Variants in ADAMTS18 observed in about 807,000 individuals in gnomAD.
ADAMTS18 encodes A disintegrin and metalloproteinase with thrombospondin motifs 18.
Under a neutral mutation model 165.9 loss-of-function variants are expected in ADAMTS18, and 157 were observed. That is an observed-to-expected ratio of 0.95 (90% confidence interval 0.83 to 1.08). The LOEUF (loss-of-function observed/expected upper bound fraction) is 1.08, where lower values mean the gene tolerates loss of function less well. Ranked by LOEUF, ADAMTS18 falls within the 50% of genes least tolerant of loss-of-function variation. The pLI is 0.00. For synonymous variants in ADAMTS18, 782 were observed against 578.2 expected (o/e 1.35, Z -5.06); for missense variants, 2,040 against 1,534.0 (o/e 1.33, Z -5.51).
At chr16:77,431,978 A>G (rs1236265509) in intron 2 of ADAMTS18, among the ~76,000 whole-genome samples, 1 of 152,138 alleles carries the variant, frequency 6.6e-6, no homozygotes, top group African/African-American at 2.4e-5. Context: ...ATAAAATTTA[A>G]TTTTTTTGAA....
At chr16:77,295,969 A>AT (rs2055462311) in intron 18 of ADAMTS18, among the ~76,000 whole-genome samples, 1 of 151,668 alleles carries the variant, frequency 6.6e-6, no homozygotes, top group South Asian at 2.1e-4. Context: ...TCAGCCTCAG[A>AT]TTATGACAAA....
At chr16:77,307,099 T>C (rs777546134) in intron 16 of ADAMTS18, among the ~76,000 whole-genome samples, 13 of 152,238 alleles carry the variant, frequency 8.5e-5, no homozygotes, top group African/African-American at 1.2e-4. Context: ...TTAAGAATAC[T>C]TGATCTCCTC....
chr16:77,310,546 G>A (rs1195375729), intron 16 of ADAMTS18, among the ~76,000 whole-genome samples: 3 of 152,120 alleles, frequency 2.0e-5, no homozygotes, highest in Non-Finnish European at 2.9e-5. Context: ...CCAAAAGAAT[G>A]GAATCCACGT....
At chr16:77,401,320 A>G (rs2057329101) in intron 3 of ADAMTS18, among the ~76,000 whole-genome samples, 1 of 152,220 alleles carries the variant, frequency 6.6e-6, no homozygotes, top group Admixed American at 6.5e-5. Flanking sequence ...AAATCAAGCC[A>G]CAATAATCCA....
chr16:77,389,485 CG>C (rs1317220816), intron 3 of ADAMTS18, among the ~76,000 whole-genome samples: 1 of 152,084 alleles, frequency 6.6e-6, no homozygotes, highest in Non-Finnish European at 1.5e-5. Flanking sequence ...GTTCAACAAA[CG>C]TTTGTATTTA....
chr16:77,308,419 T>C (rs1252141866), intron 16 of ADAMTS18, among the ~76,000 whole-genome samples: 2 of 152,044 alleles, frequency 1.3e-5, no homozygotes. Flanking sequence ...GTTGTGTGTG[T>C]GTATGTGGGT....
At chr16:77,355,797 A>G in intron 9 of ADAMTS18, 143 bp downstream of exon 9, 2 of 1,006,878 alleles carry the variant, frequency 2.0e-6, no homozygotes, top group Non-Finnish European at 3.1e-6. Context: ...CATCATCACC[A>G]TCATCATTAT....
rs753293005 is a variant in ADAMTS18 at position 77,291,337 on chromosome 16, T to A, written c.3331A>T (p.Asn1111Tyr). The A allele has an allele frequency of 1.9e-6, 3 of 1,614,112 alleles. No homozygotes were observed. In the Admixed American group the frequency reaches 5.0e-5, roughly 27 times the overall value. The change falls in exon 21 of 23, where the codon AAC becomes TAC. Residue 1111 changes from asparagine (N) to tyrosine (Y), a missense_variant. Transcript: ENST00000282849. ...KPNLDLEETC[N>Y]RRACPAHPVY... The stretch of plus-strand genomic sequence containing the variant: ...GGATGGGCTGGGCAAGCCCGTCGGT[T>A]GCAGGTCTCTTCCAAGTCCAGATTT...
intron 3 of ADAMTS18, among the ~76,000 whole-genome samples, chr16:77,371,308 A>C (rs1423456672): frequency 6.6e-6 from 1 of 152,188 alleles, no homozygotes; most frequent in East Asian, 1.9e-4. Flanking sequence ...AACCACAAAA[A>C]GACCCTGAAG....
At chr16:77,379,286 C>G (rs1037426732) in intron 3 of ADAMTS18, among the ~76,000 whole-genome samples, 1 of 152,200 alleles carries the variant, frequency 6.6e-6, no homozygotes, top group African/African-American at 2.4e-5. Context: ...TCTTATCCTC[C>G]TGCTCCACTG....
At chr16:77,434,531 C>T in intron 1 of ADAMTS18, 26 bp from the exon 2 acceptor site, 1 of 1,541,154 alleles carries the variant, frequency 6.5e-7, no homozygotes, top group East Asian at 2.4e-5. Context: ...TGACATCGCG[C>T]GTGAGGGGCG....
At chr16:77,428,701 T>G (rs1428849) in intron 3 of ADAMTS18, among the ~76,000 whole-genome samples, 9,025 of 152,214 alleles carry the variant, frequency 0.059, 344 homozygotes, top group East Asian at 0.14. Context: ...ATCTGAAACT[T>G]TTGAGTACTG....
At chr16:77,317,456 C>G (rs571007605) in intron 16 of ADAMTS18, among the ~76,000 whole-genome samples, 3 of 152,276 alleles carry the variant, frequency 2.0e-5, no homozygotes, top group African/African-American at 7.2e-5. Flanking sequence ...GCCTCAGCCT[C>G]CCGACTAGCT....
At chr16:77,304,902 C>T (rs574322181) in intron 16 of ADAMTS18, among the ~76,000 whole-genome samples, 21 of 152,100 alleles carry the variant, frequency 1.4e-4, no homozygotes, top group Non-Finnish European at 1.5e-4. Context: ...TCAATGAATA[C>T]ATAAATGAAG....
At chr16:77,336,475 T>C (rs2056312744) in intron 11 of ADAMTS18, among the ~76,000 whole-genome samples, 1 of 152,210 alleles carries the variant, frequency 6.6e-6, no homozygotes, top group Non-Finnish European at 1.5e-5. Flanking sequence ...CTATAGAGCA[T>C]TTCTTACAAA....
intron 10 of ADAMTS18, among the ~76,000 whole-genome samples, chr16:77,342,871 T>G (rs539254447): frequency 2.4e-4 from 36 of 152,176 alleles, no homozygotes; most frequent in African/African-American, 8.4e-4. Context: ...AGAGTCCTTA[T>G]ATGGGAAAGA....
intron 17 of ADAMTS18, among the ~76,000 whole-genome samples, chr16:77,299,734 T>C (rs1231609854): frequency 2.6e-5 from 4 of 152,332 alleles, no homozygotes; most frequent in African/African-American, 9.6e-5. Context: ...CTGTTGTTCC[T>C]TCCTTGCAAG....
At chr16:77,375,354 C>A (rs2056934135) in intron 3 of ADAMTS18, among the ~76,000 whole-genome samples, 3 of 151,940 alleles carry the variant, frequency 2.0e-5, no homozygotes, top group Admixed American at 1.3e-4. Context: ...CGCACTCCGG[C>A]CTGGGTGAAA....
chr16:77,328,203 C>A (rs1202204102), intron 12 of ADAMTS18, among the ~76,000 whole-genome samples: 1 of 152,124 alleles, frequency 6.6e-6, no homozygotes, highest in Non-Finnish European at 1.5e-5. Flanking sequence ...AAAAAGAGCA[C>A]CACCACATTG....
Sources: allele counts gnomAD v4.1 joint callset (sites outside exome capture counted in the v4.1 genomes callset), GRCh38; gene constraint gnomAD v4.1.1; transcripts MANE v1.5; gene names NCBI Gene and HGNC (gene_info 2026-07-23, HGNC 2026-07-21).